RARB: variants seen among roughly 807,000 people sequenced by gnomAD.
RARB encodes the protein HBV-activated protein.
In RARB, 17 loss-of-function variants were observed where a neutral mutation model predicts 51.9. That is an observed-to-expected ratio of 0.33 (90% CI 0.22 to 0.49). The LOEUF (loss-of-function observed/expected upper bound fraction) is 0.49, where lower values mean the gene tolerates loss of function less well. RARB is among the 20% of genes least tolerant of loss of function. RARB has a pLI of 0.99. For missense variants in RARB, 369 were observed against 550.8 expected (o/e 0.67, Z 3.30); for synonymous variants, 215 against 195.4 (o/e 1.10, Z -0.84).
At chr3:24,890,054 A>G (rs1703348206) in intron 2 of RARB, among the ~76,000 whole-genome samples, 1 of 152,202 alleles carries the variant, frequency 6.6e-6, no homozygotes, top group Non-Finnish European at 1.5e-5. Context: ...GCTCTTCATT[A>G]CCAGATAAAA....
intron 2 of RARB, among the ~76,000 whole-genome samples, chr3:24,907,256 C>T (rs1177146273): frequency 6.6e-6 from 1 of 152,150 alleles, no homozygotes; most frequent in African/African-American, 2.4e-5. Context: ...TGTTTATAAA[C>T]AAATTTCCTG....
At chr3:25,284,272 T>C (rs970979472) in intron 5 of RARB, among the ~76,000 whole-genome samples, 13 of 152,014 alleles carry the variant, frequency 8.6e-5, no homozygotes, top group African/African-American at 2.7e-4. Context: ...ACCTAATCAA[T>C]ACCTGACTAC....
chr3:25,485,298 C>T (rs1052887089), intron 2 of RARB, among the ~76,000 whole-genome samples: 22 of 152,124 alleles, frequency 1.4e-4, no homozygotes, highest in Non-Finnish European at 3.2e-4. Context: ...CAACTTGGGG[C>T]ACTCATTATG....
chr3:24,948,305 T>C (rs941464262), intron 2 of RARB, among the ~76,000 whole-genome samples: 2 of 152,154 alleles, frequency 1.3e-5, no homozygotes, highest in Non-Finnish European at 1.5e-5. Flanking sequence ...GGAAAAGAAA[T>C]ACACATATGA....
chr3:25,575,719 G>A (rs1457259035), intron 4 of RARB, among the ~76,000 whole-genome samples: 1 of 152,028 alleles, frequency 6.6e-6, no homozygotes, highest in East Asian at 1.9e-4. Flanking sequence ...TACTGGATTA[G>A]GGCCCACCCT....
intron 3 of RARB, among the ~76,000 whole-genome samples, chr3:25,503,205 C>T (rs1327133760): frequency 6.6e-6 from 1 of 152,180 alleles, no homozygotes; most frequent in Admixed American, 6.5e-5. Context: ...TTGGCTCAGG[C>T]TCTAAATCCT....
Position 25,151,120 on chromosome 3 carries a change from G to A in RARB, c.-280+18912G>A, listed in dbSNP as rs112946529. ...TTATGGAGATAAAGCTGGTCACACC[G>A]CCCATTTTGCCCCTTGGCTTTCCAT... On this transcript the variant is annotated intron_variant, in intron 4 of 11. Transcript: ENST00000383772. Among the ~76,000 whole-genome samples, 15 of 152,258 alleles carry A rather than the reference G, an allele frequency of 9.9e-5. 1 individual carries two copies. Among genetic ancestry groups the A allele is most frequent in the African/African-American group, 2.2e-4 (9 of 41,534 alleles).
At chr3:25,097,116 C>T (rs1699310471) in intron 3 of RARB, among the ~76,000 whole-genome samples, 1 of 152,112 alleles carries the variant, frequency 6.6e-6, no homozygotes, top group African/African-American at 2.4e-5. Context: ...GACTAGCAAA[C>T]AATCAGAGAC....
chr3:24,928,292 C>G (rs1695361725), intron 2 of RARB, among the ~76,000 whole-genome samples: 1 of 151,828 alleles, frequency 6.6e-6, no homozygotes, highest in Non-Finnish European at 1.5e-5. Flanking sequence ...GATCACATGC[C>G]TTTTGTACCA....
At chr3:25,106,365 C>T (rs1428669203) in intron 3 of RARB, among the ~76,000 whole-genome samples, 2 of 146,738 alleles carry the variant, frequency 1.4e-5, no homozygotes, top group Non-Finnish European at 3.0e-5. Context: ...AGCCTTGACC[C>T]CTCAGATTCA....
intron 3 of RARB, among the ~76,000 whole-genome samples, chr3:25,110,055 A>T (rs1285410226): frequency 6.6e-6 from 1 of 152,126 alleles, no homozygotes; most frequent in Non-Finnish European, 1.5e-5. Context: ...ACAATTCTTG[A>T]CATTAAATCC....
intron 2 of RARB, among the ~76,000 whole-genome samples, chr3:24,932,461 T>C (rs1277332889): frequency 6.6e-6 from 1 of 152,108 alleles, no homozygotes; most frequent in African/African-American, 2.4e-5. Context: ...TAAATCATTT[T>C]AGTGGGCATT....
chr3:25,074,449 C>A (rs1056824424), intron 3 of RARB, among the ~76,000 whole-genome samples: 1 of 152,206 alleles, frequency 6.6e-6, no homozygotes, highest in African/African-American at 2.4e-5. Context: ...CTCCACTTCT[C>A]TGTTCACACT....
intron 2 of RARB, among the ~76,000 whole-genome samples, chr3:25,000,478 G>T (rs1266863134): frequency 1.3e-5 from 2 of 151,984 alleles, no homozygotes; most frequent in Admixed American, 6.6e-5. Context: ...TTATTTCAGG[G>T]TTTTTCCCTG....
chr3:24,991,449 AAAAAGAAAAAG>A (rs1350439772), intron 2 of RARB, among the ~76,000 whole-genome samples: 2 of 143,254 alleles, frequency 1.4e-5, no homozygotes, highest in African/African-American at 5.6e-5. Context: ...GTCTCAAAAA[AAAAAGAAAAAG>A]AAAAAGAAAA....
At chr3:24,991,780 C>T (rs982656570) in intron 2 of RARB, among the ~76,000 whole-genome samples, 11 of 151,382 alleles carry the variant, frequency 7.3e-5, no homozygotes, top group Middle Eastern at 3.4e-3. Context: ...TTTTCCCTCC[C>T]TGCTCCCCTT....
chr3:25,113,393 G>C (rs1699635219), intron 3 of RARB, among the ~76,000 whole-genome samples: 1 of 152,024 alleles, frequency 6.6e-6, no homozygotes, highest in South Asian at 2.1e-4. Context: ...GGTTTATTTT[G>C]ACAATCCTAA....
intron 2 of RARB, among the ~76,000 whole-genome samples, chr3:24,995,268 T>C (rs1202908815): frequency 1.3e-5 from 2 of 152,040 alleles, no homozygotes; most frequent in African/African-American, 4.8e-5. Context: ...GATTGCCTTT[T>C]TTATGTCTTT....
intron 2 of RARB, among the ~76,000 whole-genome samples, chr3:24,906,874 A>AC (rs1322777008): frequency 6.7e-6 from 1 of 150,356 alleles, no homozygotes; most frequent in African/African-American, 2.4e-5. Flanking sequence ...AAGCAAAAAA[A>AC]CCCCCCACTA....
Sources: gnomAD v4.1 joint callset for allele counts (sites outside exome capture counted in the v4.1 genomes callset) on GRCh38, gnomAD v4.1.1 for gene constraint, MANE v1.5 for transcripts, NCBI Gene and HGNC (gene_info 2026-07-23, HGNC 2026-07-21) for gene names.